The following PLPBP variants were observed in gnomAD, a reference collection of about 807,000 sequenced individuals.
PLPBP encodes the protein pyridoxal phosphate homeostasis protein.
In PLPBP, 21 loss-of-function variants were observed where a neutral mutation model predicts 31.2. The observed-to-expected ratio is 0.67, with a 90% CI of 0.48 to 0.97. The LOEUF (loss-of-function observed/expected upper bound fraction) is 0.97, where lower values mean the gene tolerates loss of function less well. PLPBP is among the 50% of genes least tolerant of loss of function. PLPBP has a pLI of 0.00. For missense variants in PLPBP, 308 were observed against 354.4 expected, an observed-to-expected ratio of 0.87 and a Z score of 1.05; for synonymous variants, 124 against 135.6, an observed-to-expected ratio of 0.91 and a Z score of 0.59.
chr8:37,772,743 G>A lies in PLPBP; in HGVS notation c.320-12G>A. The A allele has an allele frequency of 6.2e-7, 1 of 1,614,102 alleles. No homozygotes were observed. Among genetic ancestry groups the A allele is most frequent in the Non-Finnish European group, 8.5e-7 (1 of 1,179,984 alleles). On this transcript the variant is annotated splice_polypyrimidine_tract_variant and intron_variant, in intron 4 of 7. Transcript: ENST00000328195. The stretch of plus-strand genomic sequence containing the variant: ...AAATAAGGAATACTACTTTGCCTCT[G>A]TCTCATTACAGCTGTCCCCAATCTC...
At chr8:37,776,046 T>G (rs777098951) in intron 7 of PLPBP, 30 bp downstream of exon 7, 1 of 1,589,826 alleles carries the variant, frequency 6.3e-7, no homozygotes, top group African/African-American at 1.3e-5. Context: ...CCTGTCTGCC[T>G]CGAGGGGTGG....
chr8:37,772,698 G>A, intron 4 of PLPBP, 57 bp from the exon 5 acceptor site: 1 of 1,586,130 alleles, frequency 6.3e-7, no homozygotes, highest in East Asian at 2.2e-5. Context: ...TTTGTTGCAT[G>A]TTACTTGCTG....
intron 4 of PLPBP, among the ~76,000 whole-genome samples, chr8:37,769,771 T>C (rs1277751963): frequency 6.6e-6 from 1 of 152,136 alleles, no homozygotes; most frequent in African/African-American, 2.4e-5. Flanking sequence ...AAAACTATTA[T>C]AACTGAAAAA....
rs536297726 is a variant in PLPBP, at chr8:37,779,623, C to G, written c.*1519C>G. ...AAACATCATGATGCTGCCAAATGTACTTTTGTAAACTTAAACATTATGATT... is the reference window on the plus strand; with the variant it reads ...AAACATCATGATGCTGCCAAATGTAGTTTTGTAAACTTAAACATTATGATT... On this transcript the variant is annotated 3_prime_UTR_variant, in exon 8 of 8. Transcript: ENST00000328195. 6 of 152,740 alleles carry G rather than the reference C, an allele frequency of 3.9e-5. No individual in the cohort carries two copies. The South Asian group carries it at 8.3e-4, about 21-fold the overall frequency. The allele number at this position is 152,740 out of a possible 1,614,324, so 9.5% of individuals were successfully genotyped here.
chr8:37,765,672 A>G, intron 2 of PLPBP, 39 bp downstream of exon 2: 2 of 1,614,204 alleles, frequency 1.2e-6, no homozygotes, highest in Non-Finnish European at 1.7e-6. Context: ...AAGCATCATG[A>G]TTGCCAGGCT....
intron 7 of PLPBP, among the ~76,000 whole-genome samples, chr8:37,777,383 C>G (rs985552216): frequency 2.0e-5 from 3 of 152,148 alleles, no homozygotes; most frequent in African/African-American, 7.2e-5. Context: ...GGCTGCGTCT[C>G]ACACTGGACG....
At chr8:37,772,185 T>G (rs943221072) in intron 4 of PLPBP, among the ~76,000 whole-genome samples, 1 of 152,214 alleles carries the variant, frequency 6.6e-6, no homozygotes, top group African/African-American at 2.4e-5. Context: ...TGCTGCAGTT[T>G]TTTAGTAGAG....
At chr8:37,773,605 A>T (rs1803831018) in intron 5 of PLPBP, among the ~76,000 whole-genome samples, 1 of 151,534 alleles carries the variant, frequency 6.6e-6, no homozygotes, top group Non-Finnish European at 1.5e-5. Context: ...AGTAGCTGGG[A>T]TTACAGGCAC....
chr8:37,777,408 C>T (rs1385703489), intron 7 of PLPBP, among the ~76,000 whole-genome samples: 1 of 152,072 alleles, frequency 6.6e-6, no homozygotes, highest in Admixed American at 6.6e-5. Flanking sequence ...ATGTCCTTGA[C>T]CCCCTCCGAG....
intron 7 of PLPBP, among the ~76,000 whole-genome samples, chr8:37,777,664 C>T (rs1803950877): frequency 6.6e-6 from 1 of 152,202 alleles, no homozygotes; most frequent in African/African-American, 2.4e-5. Context: ...ACCTCCACCT[C>T]CTGGGTTCAA....
Position 37,779,150 on chromosome 8 carries a change from C to T in PLPBP, c.*1046C>T, listed in dbSNP as rs1211606222. The T allele has an allele frequency of 6.6e-6, 1 of 152,166 alleles. No homozygotes were observed. Among genetic ancestry groups the T allele is most frequent in the East Asian group, 1.9e-4 (1 of 5,198 alleles). The allele number at this position is 152,166 out of a possible 1,614,324, so 9.4% of individuals were successfully genotyped here. On this transcript the variant is annotated 3_prime_UTR_variant, in exon 8 of 8. Transcript: ENST00000328195. ...AGGATAACATAAGGAGGACTTGGGC[C>T]TTTCTGACATCATCCTGAAGAGACA...
intron 4 of PLPBP, among the ~76,000 whole-genome samples, chr8:37,768,474 T>C (rs1295882298): frequency 3.5e-5 from 5 of 141,190 alleles, no homozygotes; most frequent in South Asian, 2.4e-4. Flanking sequence ...TCTTTTTTTT[T>C]TTTTTTTTTT....
intron 4 of PLPBP, among the ~76,000 whole-genome samples, chr8:37,771,825 TG>T (rs1340828687): frequency 4.6e-5 from 7 of 151,892 alleles, no homozygotes; most frequent in African/African-American, 1.7e-4. Flanking sequence ...TGAGGTGTAG[TG>T]GTGGGTGCCT....
intron 4 of PLPBP, 164 bp downstream of exon 4, chr8:37,766,519 G>T: frequency 7.8e-7 from 1 of 1,274,118 alleles, no homozygotes; most frequent in South Asian, 2.6e-5. Context: ...AAAACATCAT[G>T]CCAAGAACAG....
chr8:37,762,842 G>A, intron 1 of PLPBP, 84 bp downstream of exon 1: 4 of 1,476,564 alleles, frequency 2.7e-6, no homozygotes, highest in Non-Finnish European at 2.7e-6. Flanking sequence ...TCACGGTGAC[G>A]CAGAGGGGTC....
intron 4 of PLPBP, among the ~76,000 whole-genome samples, chr8:37,768,462 T>TTTG (rs1563324885): frequency 2.7e-5 from 4 of 150,388 alleles, no homozygotes; most frequent in African/African-American, 9.8e-5. Context: ...CAGTTTTGAT[T>TTTG]TTCTTTTTTT....
intron 5 of PLPBP, among the ~76,000 whole-genome samples, chr8:37,774,653 G>A (rs1421988471): frequency 6.6e-6 from 1 of 152,176 alleles, no homozygotes; most frequent in Admixed American, 6.5e-5. Context: ...CAGACTACCT[G>A]GGTTTAAATC....
At position 37,766,373 on chromosome 8, in the gene PLPBP, A is replaced by G. The variant is rs1803629822; in HGVS notation, c.319+18A>G. The G allele has an allele frequency of 6.3e-7, 1 of 1,590,750 alleles. No homozygotes were observed. The highest frequency in any genetic ancestry group is 8.6e-7 in the Non-Finnish European group (1 of 1,162,954). On this transcript the variant is annotated intron_variant, in intron 4 of 7. Coordinates refer to ENST00000328195, the MANE Select transcript of PLPBP (RefSeq NM_007198.4). ...ATTGATGGGTAAGATAAAATTAAATATGAAAACAAAATTGTTCTGTCATTG... is the reference window on the plus strand; with the variant it reads ...ATTGATGGGTAAGATAAAATTAAATGTGAAAACAAAATTGTTCTGTCATTG...
chr8:37,764,121 G>A (rs1348904382), intron 1 of PLPBP, among the ~76,000 whole-genome samples: 5 of 83,902 alleles, frequency 6.0e-5, no homozygotes, highest in Admixed American at 1.5e-4. Flanking sequence ...TGTTTTGTTT[G>A]AGACAGAGTC....
Sources: allele counts gnomAD v4.1 joint callset (sites outside exome capture counted in the v4.1 genomes callset), GRCh38; gene constraint gnomAD v4.1.1; transcripts MANE v1.5; gene names NCBI Gene and HGNC (gene_info 2026-07-23, HGNC 2026-07-21).